The following HCN3 variants were observed in gnomAD, a reference collection of about 807,000 sequenced individuals.
The protein encoded by HCN3 is hyperpolarization activated cyclic nucleotide gated potassium channel 3.
In HCN3, 36 loss-of-function variants were observed where a neutral mutation model predicts 56.8. That is an observed-to-expected ratio of 0.63 (90% CI 0.49 to 0.84). The LOEUF (loss-of-function observed/expected upper bound fraction) is 0.84, where lower values mean the gene tolerates loss of function less well. Ranked by LOEUF, HCN3 falls within the 40% of genes least tolerant of loss-of-function variation. The pLI is 0.00. For synonymous variants in HCN3, 425 were observed against 439.7 expected, an observed-to-expected ratio of 0.97 and a Z score of 0.42; for missense variants, 930 against 1,079.3, an observed-to-expected ratio of 0.86 and a Z score of 1.94.
Position 155,282,434 on chromosome 1 carries a change from T to G in HCN3, c.302T>G (p.Leu101Arg). 6.2e-7 allele frequency: 1 copy of G among 1,614,264 alleles called. No homozygotes were observed. Among genetic ancestry groups the G allele is most frequent in the South Asian group, 1.1e-5 (1 of 91,088 alleles). ...DFRFYWDLIMLLLMVGNLIVL... is the reference protein window; with the variant it reads ...DFRFYWDLIMRLLMVGNLIVL... Reference sequence around the variant, plus strand: ...AGGTTTTACTGGGACCTGATCATGCTGCTGCTGATGGTGGGGAACCTCATC... The same window carrying G: ...AGGTTTTACTGGGACCTGATCATGCGGCTGCTGATGGTGGGGAACCTCATC... The change falls in exon 2 of 8, where the codon CTG becomes CGG. Residue 101 changes from leucine (L) to arginine (R), a missense_variant. Transcript: ENST00000368358. This position sits in a 1 kb window ranked among gnomAD's most constrained non-coding sequence, Gnocchi z 4.7.
At position 155,284,080 on chromosome 1, in the gene HCN3, T is replaced by G. The variant is rs757736075; in HGVS notation, c.815T>G (p.Val272Gly). Residue 272 changes from valine (V) to glycine (G), a missense_variant, in exon 3 of 8, where the codon GTG (valine) becomes GGG (glycine). Transcript: ENST00000368358. This position sits in a 1 kb window ranked among gnomAD's most constrained non-coding sequence, Gnocchi z 4.3. ...CHWDGCLQFL[V>G]PMLQDFPPDC... ...TGGGATGGCTGTCTGCAGTTCCTGGTGCCCATGCTGCAGGACTTCCCTCCC... is the reference window on the plus strand; with the variant it reads ...TGGGATGGCTGTCTGCAGTTCCTGGGGCCCATGCTGCAGGACTTCCCTCCC... The G allele has an allele frequency of 6.2e-7, 1 of 1,614,042 alleles. No homozygotes were observed. Among genetic ancestry groups the G allele is most frequent in the East Asian group, 2.2e-5 (1 of 44,894 alleles).
chr1:155,279,437 C>T (rs1156931875), intron 1 of HCN3, among the ~76,000 whole-genome samples: 3 of 152,224 alleles, frequency 2.0e-5, no homozygotes, highest in African/African-American at 7.2e-5. Context: ...TCAAGCCTTG[C>T]TGCTTCATGA....
chr1:155,278,798 G>T (rs577721200), intron 1 of HCN3, among the ~76,000 whole-genome samples: 3 of 151,980 alleles, frequency 2.0e-5, no homozygotes, highest in African/African-American at 7.3e-5. Flanking sequence ...TTGCTGCCTC[G>T]TTCCCACCCA....
chr1:155,284,555 G>A lies in HCN3; in HGVS notation c.887G>A (p.Arg296His), dbSNP rs137875525. 1.4e-4 allele frequency: 223 copies of A among 1,612,164 alleles called. No individual in the cohort carries two copies. The highest frequency in any genetic ancestry group is 1.8e-4 in the Non-Finnish European group (209 of 1,179,684). ...GCCCCTCAGAACCACTCGTGGGGCCGCCAGTATTCCCATGCCCTGTTCAAG... is the reference window on the plus strand; with the variant it reads ...GCCCCTCAGAACCACTCGTGGGGCCACCAGTATTCCCATGCCCTGTTCAAG... ...INHMVNHSWG[R>H]QYSHALFKAM... is the part of the protein sequence containing the mutation. The change falls in exon 4 of 8, where the codon CGC becomes CAC. Residue 296 changes from arginine to histidine, a missense_variant. Coordinates refer to ENST00000368358, the MANE Select transcript of HCN3 (RefSeq NM_020897.3). The surrounding 1 kb of genome is among the most constrained non-coding windows in gnomAD (Gnocchi z 4.3).
In HCN3 at chr1:155,284,110, G is replaced by A. The variant is rs1351721953; in HGVS notation, c.845G>A (p.Cys282Tyr). Residue 282 changes from cysteine (C) to tyrosine (Y), a missense_variant, in exon 3 of 8, where the codon TGC (cysteine) becomes TAC (tyrosine). Physicochemically the swap from Cys to Tyr is radical, Grantham distance 194 (BLOSUM62 -2). Coordinates refer to ENST00000368358, the MANE Select transcript of HCN3 (RefSeq NM_020897.3). This position sits in a 1 kb window ranked among gnomAD's most constrained non-coding sequence, Gnocchi z 4.3. ...VPMLQDFPPDCWVSINHMVNH... is the reference protein window; with the variant it reads ...VPMLQDFPPDYWVSINHMVNH... ...ATGCTGCAGGACTTCCCTCCCGACTGCTGGGTCTCCATCAACCACATGGTG... is the reference window on the plus strand; with the variant it reads ...ATGCTGCAGGACTTCCCTCCCGACTACTGGGTCTCCATCAACCACATGGTG... 6.2e-7 allele frequency: 1 copy of A among 1,614,202 alleles called. No homozygotes were observed. Among genetic ancestry groups the A allele is most frequent in the Non-Finnish European group, 8.5e-7 (1 of 1,179,990 alleles).
intron 6 of HCN3, among the ~76,000 whole-genome samples, chr1:155,286,227 G>T (rs971632768): frequency 2.0e-5 from 3 of 152,082 alleles, no homozygotes; most frequent in African/African-American, 7.2e-5. Flanking sequence ...CTCACTGAAA[G>T]CTCTGCCTCC....
intron 1 of HCN3, among the ~76,000 whole-genome samples, chr1:155,279,360 C>T (rs1022002917): frequency 1.9e-4 from 29 of 152,228 alleles, no homozygotes; most frequent in African/African-American, 6.8e-4. Context: ...CTGCCCATGC[C>T]TCTGCCTGTG....
chr1:155,287,508 G>T (rs1674335843), intron 7 of HCN3, among the ~76,000 whole-genome samples, 171 bp downstream of exon 7: 1 of 151,996 alleles, frequency 6.6e-6, no homozygotes, highest in Non-Finnish European at 1.5e-5. Flanking sequence ...CTATCCCTCA[G>T]CATGTCCTTC....
chr1:155,278,049 C>A (rs1005376542), intron 1 of HCN3, among the ~76,000 whole-genome samples, 181 bp downstream of exon 1: 15 of 152,082 alleles, frequency 9.9e-5, no homozygotes, highest in African/African-American at 3.6e-4. Context: ...GTATCCCCTG[C>A]CGGAGGTCCT....
Position 155,288,683 on chromosome 1 carries a change from G to A in HCN3, c.*220G>A. The A allele has an allele frequency of 1.7e-6, 1 of 591,796 alleles. No individual in the cohort carries two copies. Among genetic ancestry groups the A allele is most frequent in the Non-Finnish European group, 2.9e-6 (1 of 349,312 alleles). 36.7% of individuals were successfully genotyped at this position (591,796 alleles called of 1,614,324 possible). A position where few individuals can be genotyped will look rare whatever the true frequency, so the allele number is the denominator to read the frequency against. ...TAATCCATTCACCCGTTCATCATGT[G>A]TACTGAGCAGCTACCATGTTCAAGG... On this transcript the variant is annotated 3_prime_UTR_variant, in exon 8 of 8. Coordinates refer to ENST00000368358, the MANE Select transcript of HCN3 (RefSeq NM_020897.3). The surrounding 1 kb of genome is among the most constrained non-coding windows in gnomAD (Gnocchi z 6.5).
chr1:155,287,322 C>A lies in HCN3; in HGVS notation c.1627C>A (p.Arg543=), dbSNP rs144688517. 1 of 1,613,862 alleles carries A rather than the reference C, an allele frequency of 6.2e-7. No homozygotes were observed. The highest frequency in any genetic ancestry group is 8.5e-7 in the Non-Finnish European group (1 of 1,179,948). The change falls in exon 7 of 8, where the codon CGG becomes AGG. Residue 543 remains arginine, a synonymous_variant. Coordinates refer to ENST00000368358, the MANE Select transcript of HCN3 (RefSeq NM_020897.3). ...RRAFETVAMD[R]LLRIGKKNSI... is the part of the protein sequence containing the mutation. ...GGCCTTTGAGACTGTGGCCATGGAT[C>A]GGCTGCTCCGCATCGGTGAGACCTG...
chr1:155,286,080 T>A, intron 6 of HCN3, 116 bp downstream of exon 6: 1 of 1,349,768 alleles, frequency 7.4e-7, no homozygotes. Flanking sequence ...CTCCAGCCCC[T>A]CCCCAGGCCT....
At position 155,289,403 on chromosome 1, in the gene HCN3, GA is replaced by G. The variant is rs1458793331; in HGVS notation, c.*941del. 2 of 152,142 alleles carry G rather than the reference GA, an allele frequency of 1.3e-5. No individual in the cohort carries two copies. Among genetic ancestry groups the G allele is most frequent in the African/African-American group, 4.8e-5 (2 of 41,414 alleles). 9.4% of individuals were successfully genotyped at this position (152,142 alleles called of 1,614,324 possible). ...CCCTCCTTTTCAGGTAAGGAGACAG[GA>G]GGAGTAGGAGGAGGCAGGGCCTCTC... On this transcript the variant is annotated 3_prime_UTR_variant, in exon 8 of 8. Transcript: ENST00000368358.
At position 155,288,070 on chromosome 1, in the gene HCN3, C is replaced by T. The variant is rs199562991; in HGVS notation, c.1932C>T (p.Arg644=). Residue 644 remains arginine, a synonymous_variant, in exon 8 of 8, where the codon CGC becomes CGT. Coordinates refer to ENST00000368358, the MANE Select transcript of HCN3 (RefSeq NM_020897.3). This position sits in a 1 kb window ranked among gnomAD's most constrained non-coding sequence, Gnocchi z 6.5. ...SPDSPATLLA[R]SAWRSAGSPA... ...ACTCTCCAGCCACCCTCCTTGCTCG[C>T]TCTGCTTGGCGCTCAGCAGGCTCTC... The T allele has an allele frequency of 9.3e-5, 150 of 1,613,006 alleles. 1 individual carries two copies. In the Middle Eastern group the frequency reaches 1.2e-3, roughly 12 times the overall value.
Position 155,282,296 on chromosome 1 carries a change from C to G in HCN3, c.279-115C>G. ...TATACTCCCAACAGCTGTAAACAGTCATTCTGTTATTGTGTATCTTTGCCC... is the reference window on the plus strand; with the variant it reads ...TATACTCCCAACAGCTGTAAACAGTGATTCTGTTATTGTGTATCTTTGCCC... On this transcript the variant is annotated intron_variant, in intron 1 of 7. Transcript: ENST00000368358. The surrounding 1 kb of genome is among the most constrained non-coding windows in gnomAD (Gnocchi z 4.7). The G allele has an allele frequency of 1.0e-6, 1 of 959,628 alleles. No individual in the cohort carries two copies. Among genetic ancestry groups the G allele is most frequent in the East Asian group, 2.5e-5 (1 of 40,770 alleles). The allele number at this position is 959,628 out of a possible 1,614,324, so 59.4% of individuals were successfully genotyped here.
intron 1 of HCN3, among the ~76,000 whole-genome samples, chr1:155,280,712 A>G (rs1674002749): frequency 7.3e-6 from 1 of 137,154 alleles, no homozygotes; most frequent in African/African-American, 2.8e-5. Context: ...TGCTGGGATT[A>G]CAGGCGTGAG....
In HCN3 at chr1:155,288,068, C is replaced by T. The variant is rs754939305; in HGVS notation, c.1930C>T (p.Arg644Cys). Reference protein sequence around the residue: ...SPDSPATLLARSAWRSAGSPA... With the variant: ...SPDSPATLLACSAWRSAGSPA... ...TGACTCTCCAGCCACCCTCCTTGCT[C>T]GCTCTGCTTGGCGCTCAGCAGGCTC... Residue 644 changes from arginine (R) to cysteine (C), a missense_variant, in exon 8 of 8, where the codon CGC becomes TGC. Arg to Cys is a radical substitution (Grantham distance 180). Transcript: ENST00000368358. The surrounding 1 kb of genome is among the most constrained non-coding windows in gnomAD (Gnocchi z 6.5). The T allele has an allele frequency of 8.7e-6, 14 of 1,613,068 alleles. No homozygotes were observed. Among genetic ancestry groups the T allele is most frequent in the Middle Eastern group, 1.7e-4 (1 of 6,060 alleles).
Position 155,283,989 on chromosome 1 carries a change from T to G in HCN3, c.724T>G (p.Tyr242Asp). The change falls in exon 3 of 8, where the codon TAT becomes GAT. Residue 242 changes from tyrosine to aspartate, a missense_variant. By Grantham distance (160) the Tyr-to-Asp change is radical. Coordinates refer to ENST00000368358, the MANE Select transcript of HCN3 (RefSeq NM_020897.3). ...GACTCCTCAGATCTTTCACATGACC[T>G]ATGACCTGGCCAGTGCTGTGGTTCG... ...HQWEEIFHMT[Y>D]DLASAVVRIF... is the part of the protein sequence containing the mutation. 1 of 1,614,010 alleles carries G rather than the reference T, an allele frequency of 6.2e-7. No individual in the cohort carries two copies. The highest frequency in any genetic ancestry group is 2.2e-5 in the East Asian group (1 of 44,876).
At position 155,277,673 on chromosome 1, in the gene HCN3, C is replaced by G; in HGVS notation, c.83C>G (p.Pro28Arg). ...GAGGCGGTGCCTCCCGTTGCTCCCC[C>G]GCCTGCGACCGCGGCCTCAGGTCCG... is the stretch of plus-strand genomic sequence containing the variant. ...GLEAVPPVAPPPATAASGPIP... is the reference protein window; with the variant it reads ...GLEAVPPVAPRPATAASGPIP... The change falls in exon 1 of 8, where the codon CCG becomes CGG. Residue 28 changes from proline (P) to arginine (R), a missense_variant. Physicochemically the swap from Pro to Arg is moderately radical, Grantham distance 103. Coordinates refer to ENST00000368358, the MANE Select transcript of HCN3 (RefSeq NM_020897.3). The G allele has an allele frequency of 6.4e-6, 10 of 1,557,424 alleles. No homozygotes were observed. The highest frequency in any genetic ancestry group is 8.7e-6 in the Non-Finnish European group (10 of 1,151,618).
Sources: gnomAD v4.1 joint callset for allele counts (sites outside exome capture counted in the v4.1 genomes callset) on GRCh38, gnomAD v4.1.1 for gene constraint, Gnocchi (gnomAD v3.1) non-coding constraint, MANE v1.5 for transcripts, NCBI Gene and HGNC (gene_info 2026-07-23, HGNC 2026-07-21) for gene names.